The following GEMIN7 variants were observed in gnomAD, a reference collection of about 807,000 sequenced individuals.
GEMIN7 encodes the protein gem nuclear organelle associated protein 7.
Under a neutral mutation model 7.8 loss-of-function variants are expected in GEMIN7, and 7 were observed. The ratio of observed to expected loss-of-function variants is 0.90; its 90% CI spans 0.51 to 1.69. The LOEUF (loss-of-function observed/expected upper bound fraction) is 1.69, where lower values mean the gene tolerates loss of function less well. GEMIN7 is among the 40% of genes most tolerant of loss of function. The pLI is 0.00. For missense variants in GEMIN7, 159 were observed against 176.2 expected (o/e 0.90, Z 0.55); for synonymous variants, 68 against 72.4 (o/e 0.94, Z 0.31).
chr19:45,082,953 T>C (rs1464588433), intron 2 of GEMIN7, among the ~76,000 whole-genome samples: 1 of 151,978 alleles, frequency 6.6e-6, no homozygotes, highest in Non-Finnish European at 1.5e-5. Context: ...AAAAATGATA[T>C]AAAATTCAAA....
chr19:45,081,615 C>T (rs375953919), intron 2 of GEMIN7, among the ~76,000 whole-genome samples: 21 of 150,930 alleles, frequency 1.4e-4, no homozygotes, highest in African/African-American at 4.9e-4. Flanking sequence ...GGCTCTTGAC[C>T]TTTCTTTTTT....
chr19:45,087,302 G>A (rs1406687292), intron 2 of GEMIN7, among the ~76,000 whole-genome samples: 1 of 152,136 alleles, frequency 6.6e-6, no homozygotes, highest in Non-Finnish European at 1.5e-5. Context: ...GCACCACCAC[G>A]TCCGGCTGAT....
In GEMIN7 at chr19:45,079,324, C is replaced by T. The variant is rs376143268; in HGVS notation, c.-185C>T. ...GGGTCGCCAGCAGGTTCCCTCTCCC[C>T]GGCCCCAGCTCTGGACGCTCACCCC... On this transcript the variant is annotated 5_prime_UTR_variant, in exon 1 of 3. Coordinates refer to ENST00000270257, the MANE Select transcript of GEMIN7 (RefSeq NM_024707.3). The T allele has an allele frequency of 1.3e-5, 2 of 152,638 alleles. No individual in the cohort carries two copies. Among genetic ancestry groups the T allele is most frequent in the African/African-American group, 2.4e-5 (1 of 41,484 alleles). The allele number at this position is 152,638 out of a possible 1,614,324, so 9.5% of individuals were successfully genotyped here. A position where few individuals can be genotyped will look rare whatever the true frequency, so the allele number is the denominator to read the frequency against.
Position 45,091,481 on chromosome 19 carries a change from G to A in GEMIN7, c.*971G>A, listed in dbSNP as rs1967889926. ...CCTTTAAGTTCAGGATGTAAGCGAA[G>A]CCTTCCATTAAGTAAAGGTGAGTGT... is the stretch of plus-strand genomic sequence containing the variant. On this transcript the variant is annotated 3_prime_UTR_variant, in exon 3 of 3. Coordinates refer to ENST00000270257, the MANE Select transcript of GEMIN7 (RefSeq NM_024707.3). 6.0e-6 allele frequency: 1 copy of A among 166,698 alleles called. No homozygotes were observed. Among genetic ancestry groups the A allele is most frequent in the Non-Finnish European group, 1.5e-5 (1 of 68,134 alleles). The allele number at this position is 166,698 out of a possible 1,614,324, so 10.3% of individuals were successfully genotyped here.
At position 45,090,506 on chromosome 19, in the gene GEMIN7, C is replaced by T. The variant is rs1967863690; in HGVS notation, c.392C>T (p.Pro131Leu). The T allele has an allele frequency of 1.2e-6, 2 of 1,604,158 alleles. No homozygotes were observed. Among genetic ancestry groups the T allele is most frequent in the Non-Finnish European group, 1.7e-6 (2 of 1,172,378 alleles). Residue 131 changes from proline (P) to leucine (L), a missense_variant, in exon 3 of 3, where the codon CCA becomes CTA. Transcript: ENST00000270257. ...GACATTATTTCATATACCTTCAAGC[C>T]ATAAAGATATTGTGTTCACTTTTCT... ...CSDIISYTFK[P>L] is the part of the protein sequence containing the mutation.
At position 45,079,923 on chromosome 19, in the gene GEMIN7, G is replaced by C. The variant is rs1967442795; in HGVS notation, c.-115G>C. 6.6e-6 allele frequency: 1 copy of C among 152,288 alleles called. No homozygotes were observed. The highest frequency in any genetic ancestry group is 2.4e-5 in the African/African-American group (1 of 41,458). 9.4% of individuals were successfully genotyped at this position (152,288 alleles called of 1,614,324 possible). A position where few individuals can be genotyped will look rare whatever the true frequency, so the allele number is the denominator to read the frequency against. Reference sequence around the variant, plus strand: ...ATTAATTAGGTCTGGCGGCTTCTCTGTTGACAACTCAGCTGGTTCCACACC... The same window carrying C: ...ATTAATTAGGTCTGGCGGCTTCTCTCTTGACAACTCAGCTGGTTCCACACC... On this transcript the variant is annotated 5_prime_UTR_variant, in exon 2 of 3. Transcript: ENST00000270257.
chr19:45,088,936 C>CTTTTTTTTTTTTTT (rs368470130), intron 2 of GEMIN7, among the ~76,000 whole-genome samples: 4 of 143,200 alleles, frequency 2.8e-5, no homozygotes, highest in Non-Finnish European at 3.0e-5. Context: ...CCCATCCATG[C>CTTTTTTTTTTTTTT]TTTTTTTTTT....
chr19:45,085,592 G>A (rs1967653025), intron 2 of GEMIN7: 2 of 152,188 alleles, frequency 1.3e-5, no homozygotes, highest in South Asian at 4.1e-4. Context: ...TATCTGCAGG[G>A]TCCTGTCTTG....
upstream of GEMIN7, among the ~76,000 whole-genome samples, chr19:45,077,427 T>A (rs937725257): frequency 6.6e-6 from 1 of 152,150 alleles, no homozygotes; most frequent in Non-Finnish European, 1.5e-5. Context: ...TGAAGTGGCA[T>A]CGACACCCTG....
At position 45,090,356 on chromosome 19, in the gene GEMIN7, C is replaced by G. The variant is rs1382780807; in HGVS notation, c.242C>G (p.Thr81Arg). 5.6e-6 allele frequency: 9 copies of G among 1,614,064 alleles called. No homozygotes were observed. The highest frequency in any genetic ancestry group is 7.6e-6 in the Non-Finnish European group (9 of 1,180,054). The change falls in exon 3 of 3, where the codon ACG becomes AGG. Residue 81 changes from threonine (T) to arginine (R), a missense_variant. Thr to Arg is a moderately conservative substitution (Grantham distance 71). Transcript: ENST00000270257. ...LAMVGHQVSF[T>R]LHEGVRVAAH... ...ATGGTGGGTCATCAGGTGAGCTTCA[C>G]GTTGCACGAGGGTGTGCGTGTGGCC...
intron 2 of GEMIN7, among the ~76,000 whole-genome samples, chr19:45,084,747 T>C (rs1165547226): frequency 6.6e-6 from 1 of 152,234 alleles, no homozygotes; most frequent in East Asian, 1.9e-4. Context: ...CCAGCCCAGC[T>C]AATTTTATTT....
At chr19:45,085,353 G>A (rs1019862551) in intron 2 of GEMIN7, 1 of 152,148 alleles carries the variant, frequency 6.6e-6, no homozygotes, top group African/African-American at 2.4e-5. Flanking sequence ...AAACTGTATT[G>A]AGATGCAATT....
Position 45,090,572 on chromosome 19 carries a change from C to G in GEMIN7, c.*62C>G. On this transcript the variant is annotated 3_prime_UTR_variant, in exon 3 of 3. Transcript: ENST00000270257. The stretch of plus-strand genomic sequence containing the variant: ...ACTGTATCCCAGGCCTCCCAATGTT[C>G]CCGAGCCAGGAACTCTGGGCCCCAT... 6.6e-7 allele frequency: 1 copy of G among 1,503,780 alleles called. No homozygotes were observed. Among genetic ancestry groups the G allele is most frequent in the Non-Finnish European group, 9.0e-7 (1 of 1,105,264 alleles). 93.2% of individuals were successfully genotyped at this position (1,503,780 alleles called of 1,614,324 possible). A position where few individuals can be genotyped will look rare whatever the true frequency, so the allele number is the denominator to read the frequency against.
upstream of GEMIN7, among the ~76,000 whole-genome samples, chr19:45,078,611 C>T (rs1400181059): frequency 6.6e-6 from 1 of 152,144 alleles, no homozygotes; most frequent in African/African-American, 2.4e-5. Flanking sequence ...ATTCTTTCAA[C>T]AGATATTTGC....
chr19:45,088,738 A>G (rs1967787939), intron 2 of GEMIN7: 2 of 152,174 alleles, frequency 1.3e-5, no homozygotes, highest in Non-Finnish European at 2.9e-5. Flanking sequence ...AAAAAAAAGA[A>G]AAGGAATAGC....
chr19:45,089,161 C>G (rs942014034), intron 2 of GEMIN7, among the ~76,000 whole-genome samples: 5 of 151,964 alleles, frequency 3.3e-5, no homozygotes, highest in African/African-American at 1.2e-4. Flanking sequence ...AGGCTGGTCT[C>G]GAATTCCTGA....
intron 2 of GEMIN7, among the ~76,000 whole-genome samples, chr19:45,082,643 G>T (rs1967540673): frequency 1.3e-5 from 2 of 151,916 alleles, no homozygotes; most frequent in Admixed American, 1.3e-4. Context: ...TTGAGACAGG[G>T]TCTCATACTC....
chr19:45,087,802 A>C (rs1017846947), intron 2 of GEMIN7, among the ~76,000 whole-genome samples: 1 of 152,230 alleles, frequency 6.6e-6, no homozygotes, highest in Non-Finnish European at 1.5e-5. Context: ...GGTGGAAGCC[A>C]GGGACCCAGT....
upstream of GEMIN7, chr19:45,075,792 C>T: frequency 6.2e-7 from 1 of 1,614,092 alleles, no homozygotes; most frequent in East Asian, 2.2e-5. Context: ...TGATGGCCTC[C>T]AACGGGAAGG....
Sources: allele counts gnomAD v4.1 joint callset (sites outside exome capture counted in the v4.1 genomes callset), GRCh38; gene constraint gnomAD v4.1.1; transcripts MANE v1.5; gene names NCBI Gene and HGNC (gene_info 2026-07-23, HGNC 2026-07-21).